Variants in CALD1 observed in about 807,000 individuals in gnomAD.
CALD1 encodes the protein caldesmon 1.
CALD1 carries 33 observed loss-of-function variants against 99.9 expected under a neutral mutation model. The observed-to-expected ratio is 0.33, with a 90% CI of 0.25 to 0.44. The LOEUF (loss-of-function observed/expected upper bound fraction) is 0.44. Ranked by LOEUF, CALD1 falls within the 20% of genes least tolerant of loss-of-function variation. The probability of loss-of-function intolerance (pLI) is 1.00; values close to 1 mark genes in which losing one functional copy is unlikely to be tolerated. For synonymous variants in CALD1, 310 were observed against 325.0 expected (o/e 0.95, Z 0.50); for missense variants, 861 against 962.1 (o/e 0.89, Z 1.39).
chr7:134,855,006 C>T (rs1800238699), intron 2 of CALD1, among the ~76,000 whole-genome samples: 4 of 152,198 alleles, frequency 2.6e-5, no homozygotes, highest in African/African-American at 4.8e-5. Context: ...CTCCTACTCC[C>T]GCCATGTCAG....
intron 5 of CALD1, 140 bp downstream of exon 5, chr7:134,934,217 T>C (rs1805771856): frequency 7.8e-7 from 1 of 1,280,504 alleles, no homozygotes; most frequent in Non-Finnish European, 1.1e-6. Context: ...TTTCAGGCCA[T>C]AGCGATACAC....
intron 3 of CALD1, among the ~76,000 whole-genome samples, chr7:134,928,428 C>CAAAAAAAAAA (rs11355152): frequency 1.8e-5 from 1 of 55,650 alleles, no homozygotes; most frequent in Non-Finnish European, 3.1e-5. Context: ...GACTGGGTCT[C>CAAAAAAAAAA]AAAAAAAAAA....
intron 3 of CALD1, among the ~76,000 whole-genome samples, chr7:134,915,345 G>A (rs1329547754): frequency 1.3e-5 from 2 of 152,222 alleles, no homozygotes; most frequent in African/African-American, 4.8e-5. Context: ...GTCAGTGCCA[G>A]TGCTGTCACT....
the CALD1 span, among the ~76,000 whole-genome samples, chr7:134,723,055 T>C: frequency 6.6e-6 from 1 of 152,144 alleles, no homozygotes; most frequent in Admixed American, 6.5e-5. Context: ...TAACACGGAT[T>C]GGTTTCTAAT....
chr7:134,951,363 C>T (rs1226548044), intron 9 of CALD1, among the ~76,000 whole-genome samples: 2 of 152,208 alleles, frequency 1.3e-5, no homozygotes, highest in African/African-American at 4.8e-5. Flanking sequence ...AAATGACATT[C>T]GGTGATTATC....
chr7:134,967,942 G>T (rs1264137201), intron 14 of CALD1, among the ~76,000 whole-genome samples: 1 of 152,068 alleles, frequency 6.6e-6, no homozygotes, highest in African/African-American at 2.4e-5. Flanking sequence ...TCAGGAGTTT[G>T]AGATCAGCCT....
At chr7:134,962,258 A>T (rs1277438496) in intron 13 of CALD1, 1 of 152,042 alleles carries the variant, frequency 6.6e-6, no homozygotes, top group Non-Finnish European at 1.5e-5. Context: ...TAATGAGGTT[A>T]AAAAGATAAA....
intron 2 of CALD1, among the ~76,000 whole-genome samples, chr7:134,866,505 G>T (rs1800805712): frequency 6.6e-6 from 1 of 152,100 alleles, no homozygotes; most frequent in East Asian, 1.9e-4. Flanking sequence ...GTTTTTGTGG[G>T]GTTTTTTTAG....
At chr7:134,814,057 A>T (rs1798463327) in intron 1 of CALD1, among the ~76,000 whole-genome samples, 1 of 152,174 alleles carries the variant, frequency 6.6e-6, no homozygotes, top group African/African-American at 2.4e-5. Context: ...AGGAGCTAAC[A>T]TCTAGAAATG....
chr7:134,783,700 C>T lies in CALD1; in HGVS notation c.-130+3951C>T, dbSNP rs1459568172. The stretch of plus-strand genomic sequence containing the variant: ...CCCTTAAGGTCCCTTTGTAAACCCA[C>T]GCTTCATGATTGACAGGTAAGAGAC... On this transcript the variant is annotated intron_variant, in intron 1 of 14. Coordinates refer to ENST00000361675, the MANE Select transcript of CALD1 (RefSeq NM_033138.4). The surrounding 1 kb of genome is among the most constrained non-coding windows in gnomAD (Gnocchi z 4.3). Among the ~76,000 whole-genome samples the T allele has an allele frequency of 4.6e-5, 7 of 152,120 alleles. No individual in the cohort carries two copies. Among genetic ancestry groups the T allele is most frequent in the South Asian group, 2.1e-4 (1 of 4,828 alleles).
chr7:134,855,344 C>T (rs915818491), intron 2 of CALD1, among the ~76,000 whole-genome samples: 10 of 152,152 alleles, frequency 6.6e-5, no homozygotes, highest in Admixed American at 6.5e-4. Context: ...TTCATTTGCT[C>T]CATTTTTCTT....
At chr7:134,897,781 A>G (rs896740260) in intron 3 of CALD1, among the ~76,000 whole-genome samples, 1 of 152,042 alleles carries the variant, frequency 6.6e-6, no homozygotes, top group Non-Finnish European at 1.5e-5. Context: ...ACCTTGGCTC[A>G]CTGCAGCCTC....
chr7:134,805,670 T>C (rs1798108140), intron 1 of CALD1, among the ~76,000 whole-genome samples: 2 of 152,218 alleles, frequency 1.3e-5, no homozygotes, highest in South Asian at 4.1e-4. Context: ...TTAAAAGCTA[T>C]GGGTTCAGGA....
intron 1 of CALD1, among the ~76,000 whole-genome samples, chr7:134,781,835 G>T (rs187750512): frequency 1.2e-4 from 18 of 152,318 alleles, no homozygotes; most frequent in African/African-American, 4.1e-4. Flanking sequence ...GTTAGGAGAA[G>T]GAGAACCAGG....
chr7:134,953,334 C>G (rs1214328638), intron 9 of CALD1, among the ~76,000 whole-genome samples: 2 of 151,998 alleles, frequency 1.3e-5, no homozygotes, highest in African/African-American at 4.8e-5. Flanking sequence ...CAAAAATTAG[C>G]CAGGCAAAGT....
At chr7:134,731,408 A>G in the CALD1 span, among the ~76,000 whole-genome samples, 1 of 152,130 alleles carries the variant, frequency 6.6e-6, no homozygotes, top group East Asian at 1.9e-4. Flanking sequence ...GATACCACCC[A>G]TGGCATTCTT....
chr7:134,726,829 C>G, the CALD1 span, among the ~76,000 whole-genome samples: 2 of 152,162 alleles, frequency 1.3e-5, no homozygotes, highest in Non-Finnish European at 2.9e-5. Flanking sequence ...GCCAGGACCA[C>G]AGCTAAAATC....
At chr7:134,791,891 G>C (rs1452299619) in intron 1 of CALD1, among the ~76,000 whole-genome samples, 1 of 152,208 alleles carries the variant, frequency 6.6e-6, no homozygotes, top group African/African-American at 2.4e-5. Context: ...CATGGTGACA[G>C]GCAAGAGAGC....
intron 1 of CALD1, among the ~76,000 whole-genome samples, chr7:134,763,615 C>T (rs1468925642): frequency 2.0e-5 from 3 of 152,092 alleles, no homozygotes; most frequent in African/African-American, 7.2e-5. Flanking sequence ...CTGAGTTTTC[C>T]CTCTCAGAAT....
Sources: allele counts gnomAD v4.1 joint callset (sites outside exome capture counted in the v4.1 genomes callset), GRCh38; gene constraint gnomAD v4.1.1; non-coding constraint Gnocchi (gnomAD v3.1); transcripts MANE v1.5; gene names NCBI Gene and HGNC (gene_info 2026-07-23, HGNC 2026-07-21).